CHST15: variants seen among roughly 807,000 people sequenced by gnomAD.
CHST15 encodes the protein carbohydrate sulfotransferase 15.
In CHST15, 30 loss-of-function variants were observed where a neutral mutation model predicts 53.6. The ratio of observed to expected loss-of-function variants is 0.56; its 90% CI spans 0.42 to 0.76. The LOEUF is 0.76. CHST15 is among the 30% of genes least tolerant of loss of function. The pLI, the probability that CHST15 is intolerant of heterozygous loss-of-function variation, is 0.00. For synonymous variants in CHST15, 296 were observed against 289.8 expected (o/e 1.02, Z -0.22); for missense variants, 627 against 740.5 (o/e 0.85, Z 1.78).
At chr10:124,037,952 C>T (rs1438625787) in intron 5 of CHST15, among the ~76,000 whole-genome samples, 1 of 152,108 alleles carries the variant, frequency 6.6e-6, no homozygotes, top group Middle Eastern at 3.2e-3. Flanking sequence ...CTGGTCAGGC[C>T]TGCTGGGGCT....
At chr10:124,033,465 C>T (rs1239732363) in intron 5 of CHST15, among the ~76,000 whole-genome samples, 1 of 152,188 alleles carries the variant, frequency 6.6e-6, no homozygotes, top group Non-Finnish European at 1.5e-5. Flanking sequence ...CAGTGATCCC[C>T]GGTTCTTGGT....
At chr10:124,013,832 C>T (rs1467598144) in intron 6 of CHST15, among the ~76,000 whole-genome samples, 1 of 152,188 alleles carries the variant, frequency 6.6e-6, no homozygotes, top group Non-Finnish European at 1.5e-5. Context: ...TCTGTGTCTG[C>T]CCAGAACTTC....
At chr10:124,071,744 G>A (rs1268638658) in intron 1 of CHST15, among the ~76,000 whole-genome samples, 4 of 152,264 alleles carry the variant, frequency 2.6e-5, no homozygotes, top group South Asian at 2.1e-4. Context: ...ACTTAGAGTC[G>A]GAAAAGGAGT....
chr10:124,056,956 C>T (rs1369837591), intron 1 of CHST15, among the ~76,000 whole-genome samples: 2 of 151,772 alleles, frequency 1.3e-5, no homozygotes, highest in African/African-American at 2.4e-5. Flanking sequence ...CAGGCCTGTA[C>T]GACCGGACAC....
Position 124,008,902 on chromosome 10 carries a change from T to G in CHST15, c.*1247A>C. 7.8e-7 allele frequency: 1 copy of G among 1,287,756 alleles called. No individual in the cohort carries two copies. Among genetic ancestry groups the G allele is most frequent in the South Asian group, 1.2e-5 (1 of 80,982 alleles). The allele number at this position is 1,287,756 out of a possible 1,614,324, so 79.8% of individuals were successfully genotyped here. A position where few individuals can be genotyped will look rare whatever the true frequency, so the allele number is the denominator to read the frequency against. On this transcript the variant is annotated 3_prime_UTR_variant, in exon 8 of 8. Coordinates refer to ENST00000435907, the MANE Select transcript of CHST15 (RefSeq NM_001270764.2). The stretch of plus-strand genomic sequence containing the variant: ...AACGACAAGATCTCTAGCCCATCCA[T>G]CGGTAAACCAAGCTGCCAAGTGGCC...
chr10:124,068,696 G>A (rs568681525), intron 1 of CHST15, among the ~76,000 whole-genome samples: 2 of 152,286 alleles, frequency 1.3e-5, no homozygotes, highest in South Asian at 4.1e-4. Context: ...TAAGTCCGTT[G>A]TGAAAAGCAT....
At chr10:124,032,534 T>C (rs1365510350) in intron 5 of CHST15, among the ~76,000 whole-genome samples, 1 of 152,152 alleles carries the variant, frequency 6.6e-6, no homozygotes, top group Non-Finnish European at 1.5e-5. Flanking sequence ...CTATCAACTG[T>C]CTCACAAATG....
chr10:124,008,097 AT>A lies in CHST15; in HGVS notation c.*2051del, dbSNP rs1946319192. The stretch of plus-strand genomic sequence containing the variant: ...CATAATAAACCAAATAATATTGGAA[AT>A]AATACCTTCAGTAATACTTCTGTAA... On this transcript the variant is annotated 3_prime_UTR_variant, in exon 8 of 8. Coordinates refer to ENST00000435907, the MANE Select transcript of CHST15 (RefSeq NM_001270764.2). 2 of 1,232,026 alleles carry A rather than the reference AT, an allele frequency of 1.6e-6. No homozygotes were observed. The highest frequency in any genetic ancestry group is 2.0e-6 in the Non-Finnish European group (2 of 987,934). The allele number at this position is 1,232,026 out of a possible 1,614,324, so 76.3% of individuals were successfully genotyped here.
chr10:124,046,317 G>A lies in CHST15; in HGVS notation c.-105C>T. On this transcript the variant is annotated 5_prime_UTR_variant, in exon 2 of 8. Transcript: ENST00000435907. ...CTAGAAAACCTTAAGAATGCCTTGT[G>A]ATCACAGAAGATGGATGGAAAGCAC... The A allele has an allele frequency of 9.9e-7, 1 of 1,011,030 alleles. No homozygotes were observed. The highest frequency in any genetic ancestry group is 1.4e-6 in the Non-Finnish European group (1 of 699,584). 62.6% of individuals were successfully genotyped at this position (1,011,030 alleles called of 1,614,324 possible). A position where few individuals can be genotyped will look rare whatever the true frequency, so the allele number is the denominator to read the frequency against.
rs148656570 is a variant in CHST15, at chr10:124,054,514, G to A, written c.-512-7790C>T. 3.6e-3 allele frequency among the ~76,000 whole-genome samples: 554 copies of A among 152,258 alleles called. 3 individuals are homozygous for A. The highest frequency in any genetic ancestry group is 6.3e-3 in the Non-Finnish European group (426 of 68,036). On this transcript the variant is annotated intron_variant, in intron 1 of 7. Coordinates refer to ENST00000435907, the MANE Select transcript of CHST15 (RefSeq NM_001270764.2). ...CAGATCTCTACAATATGCAGCCAGC[G>A]CCTCCCCTGCGTCCTGAGCTCACTG...
intron 1 of CHST15, among the ~76,000 whole-genome samples, chr10:124,064,850 C>T (rs767173945): frequency 2.0e-5 from 3 of 152,162 alleles, no homozygotes; most frequent in Non-Finnish European, 4.4e-5. Flanking sequence ...CCACACTGGC[C>T]CTGCCCTGAT....
chr10:124,034,943 CACCCCTAACAGGGACCCTGGCTCT>C (rs1947396217), intron 5 of CHST15, among the ~76,000 whole-genome samples: 1 of 138,394 alleles, frequency 7.2e-6, no homozygotes, highest in Non-Finnish European at 1.6e-5. Context: ...ACCCTGGCTC[CACCCCTAACAGGGACCCTGGCTCT>C]ACCCCCTAAT....
At chr10:124,075,108 G>GC (rs1254418400) in intron 1 of CHST15, among the ~76,000 whole-genome samples, 1 of 152,164 alleles carries the variant, frequency 6.6e-6, no homozygotes, top group African/African-American at 2.4e-5. Flanking sequence ...CTATTATTTT[G>GC]CTTTTGAAAG....
In CHST15 at chr10:124,024,697, A is replaced by G. The variant is rs1946927103; in HGVS notation, c.1191-3285T>C. Among the ~76,000 whole-genome samples, 1 of 152,240 alleles carries G rather than the reference A, an allele frequency of 6.6e-6. No homozygotes were observed. Among genetic ancestry groups the G allele is most frequent in the Admixed American group, 6.5e-5 (1 of 15,290 alleles). ...AAACTGAAACACGGCATCTGTCGCC[A>G]TAGGGTCGCTCATGGTTACTATGAC... is the stretch of plus-strand genomic sequence containing the variant. On this transcript the variant is annotated intron_variant, in intron 5 of 7. Transcript: ENST00000435907. This position sits in a 1 kb window ranked among gnomAD's most constrained non-coding sequence, Gnocchi z 4.0.
At chr10:124,012,269 G>T in intron 7 of CHST15, 64 bp downstream of exon 7, 1 of 1,557,220 alleles carries the variant, frequency 6.4e-7, no homozygotes, top group Non-Finnish European at 8.7e-7. Flanking sequence ...TGCCCCAGAG[G>T]ACTCCCAGAA....
chr10:124,007,869 T>C lies in CHST15; in HGVS notation c.*2280A>G. On this transcript the variant is annotated 3_prime_UTR_variant, in exon 8 of 8. Coordinates refer to ENST00000435907, the MANE Select transcript of CHST15 (RefSeq NM_001270764.2). ...TACCATGTTGTGAGAAATGCTCCAA[T>C]TTGCTTTGGTTTTGAATGGCAGGCT... 1 of 1,232,106 alleles carries C rather than the reference T, an allele frequency of 8.1e-7. No homozygotes were observed. The highest frequency in any genetic ancestry group is 1.0e-6 in the Non-Finnish European group (1 of 987,952). The allele number at this position is 1,232,106 out of a possible 1,614,324, so 76.3% of individuals were successfully genotyped here.
intron 7 of CHST15, chr10:124,011,600 C>T (rs4597012): frequency 0.25 from 245,062 of 985,338 alleles, 32,816 homozygotes; most frequent in Non-Finnish European, 0.27. Context: ...AGCCATCCCT[C>T]GGTGCCCCGT....
intron 5 of CHST15, among the ~76,000 whole-genome samples, chr10:124,023,205 C>T (rs1186595489): frequency 1.3e-5 from 2 of 152,090 alleles, no homozygotes; most frequent in Non-Finnish European, 2.9e-5. Flanking sequence ...AATGTCAGGG[C>T]CAGGCACAGT....
rs954212704 is a variant in CHST15, at chr10:124,009,665, T to C, written c.*484A>G. The C allele has an allele frequency of 1.4e-5, 14 of 1,002,634 alleles. No individual in the cohort carries two copies. Among genetic ancestry groups the C allele is most frequent in the Non-Finnish European group, 1.2e-5 (10 of 839,370 alleles). The allele number at this position is 1,002,634 out of a possible 1,614,324, so 62.1% of individuals were successfully genotyped here. Reference sequence around the variant, plus strand: ...ATGATCACACCTGTGAAGATAGCCATTGAATACAGACAGTCTGTGCAACAC... The same window carrying C: ...ATGATCACACCTGTGAAGATAGCCACTGAATACAGACAGTCTGTGCAACAC... On this transcript the variant is annotated 3_prime_UTR_variant, in exon 8 of 8. Transcript: ENST00000435907.
Sources: allele counts gnomAD v4.1 joint callset (sites outside exome capture counted in the v4.1 genomes callset), GRCh38; gene constraint gnomAD v4.1.1; non-coding constraint Gnocchi (gnomAD v3.1); transcripts MANE v1.5; gene names NCBI Gene and HGNC (gene_info 2026-07-23, HGNC 2026-07-21).